The following AOPEP variants were observed in gnomAD, a reference collection of about 807,000 sequenced individuals.
AOPEP encodes aminopeptidase O.
Under a neutral mutation model 98.1 loss-of-function variants are expected in AOPEP, and 77 were observed. The observed-to-expected ratio is 0.78, with a 90% confidence interval of 0.65 to 0.95. The LOEUF is 0.95. AOPEP is among the 40% of genes least tolerant of loss of function. The pLI is 0.00. For synonymous variants in AOPEP, 346 were observed against 365.3 expected (o/e 0.95, Z 0.60); for missense variants, 1,024 against 1,024.7 (o/e 1.00, Z 0.01).
chr9:94,823,062 T>C (rs1037673923), intron 5 of AOPEP, among the ~76,000 whole-genome samples: 1 of 152,060 alleles, frequency 6.6e-6, no homozygotes, highest in African/African-American at 2.4e-5. Flanking sequence ...AATGGCGCAA[T>C]CTCGGCTCAT....
intron 11 of AOPEP, among the ~76,000 whole-genome samples, chr9:95,002,064 C>T (rs1043045442): frequency 2.6e-5 from 4 of 152,018 alleles, no homozygotes; most frequent in Non-Finnish European, 4.4e-5. Context: ...CAGGTGTGAG[C>T]CACCGTGCAC....
intron 13 of AOPEP, among the ~76,000 whole-genome samples, chr9:95,051,941 G>T (rs1441707186): frequency 6.6e-6 from 1 of 152,114 alleles, no homozygotes; most frequent in Non-Finnish European, 1.5e-5. Context: ...CTGACCTCGT[G>T]ATCTGCCCAC....
Position 94,956,024 on chromosome 9 carries a change from TGG to T in AOPEP, c.1872+11_1872+12del. ...AGCTGATTCTTTCCCAGGTAACTTA[TGG>T]GTCCTCATGAGTCCATGATGTATGA... On this transcript the variant is annotated intron_variant, in intron 9 of 16. Coordinates refer to ENST00000375315, the MANE Select transcript of AOPEP (RefSeq NM_001193329.3). 1 of 1,531,506 alleles carries T rather than the reference TGG, an allele frequency of 6.5e-7. No homozygotes were observed. Among genetic ancestry groups the T allele is most frequent in the African/African-American group, 1.4e-5 (1 of 73,400 alleles). The allele number at this position is 1,531,506 out of a possible 1,614,324, so 94.9% of individuals were successfully genotyped here. A position where few individuals can be genotyped will look rare whatever the true frequency, so the allele number is the denominator to read the frequency against.
intron 13 of AOPEP, among the ~76,000 whole-genome samples, chr9:95,008,311 A>G (rs1589246518): frequency 6.6e-6 from 1 of 152,056 alleles, no homozygotes; most frequent in African/African-American, 2.4e-5. Context: ...GGGGGTCACA[A>G]CCTTTTTCCT....
the AOPEP span, among the ~76,000 whole-genome samples, chr9:95,133,433 G>GT: frequency 3.3e-5 from 5 of 152,254 alleles, no homozygotes; most frequent in African/African-American, 1.2e-4. Flanking sequence ...AAAAGCTTTT[G>GT]TAAGTCAACT....
intron 3 of AOPEP, among the ~76,000 whole-genome samples, chr9:94,790,849 C>G (rs1289897004): frequency 2.6e-5 from 4 of 151,708 alleles, no homozygotes; most frequent in Admixed American, 1.3e-4. Context: ...ATTTGACATC[C>G]AATCACCGAC....
At chr9:95,017,674 G>A (rs2063124707) in intron 13 of AOPEP, among the ~76,000 whole-genome samples, 2 of 152,154 alleles carry the variant, frequency 1.3e-5, no homozygotes, top group African/African-American at 4.8e-5. Flanking sequence ...TTACATGCCA[G>A]GAAATTCATC....
the AOPEP span, among the ~76,000 whole-genome samples, chr9:95,105,021 A>G: frequency 1.3e-5 from 2 of 152,220 alleles, no homozygotes; most frequent in African/African-American, 2.4e-5. Context: ...TGTGCATTTT[A>G]TAAGAGTACA....
intron 5 of AOPEP, among the ~76,000 whole-genome samples, chr9:94,894,592 C>G (rs1476494831): frequency 6.6e-6 from 1 of 152,108 alleles, no homozygotes; most frequent in Non-Finnish European, 1.5e-5. Flanking sequence ...AACACCAGAC[C>G]CACAGAGTTT....
intron 5 of AOPEP, among the ~76,000 whole-genome samples, chr9:94,802,196 T>G (rs1848358443): frequency 6.6e-6 from 1 of 152,168 alleles, no homozygotes; most frequent in African/African-American, 2.4e-5. Context: ...TTTGTCCCTT[T>G]GAAGAGTCTG....
In AOPEP at chr9:95,005,202, G is replaced by A; in HGVS notation, c.2022G>A (p.Ala674=). ...GCGCCGGGGCGGAGTGCGGGCTTGC[G>A]CGGCAAGTGCGCGCCGAGGTGAGTG... ...ERRAGAECGL[A]RQVRAEVTKW... is the part of the protein sequence containing the mutation. The change falls in exon 12 of 17, where the codon GCG becomes GCA. Residue 674 remains alanine (A), a synonymous_variant. Coordinates refer to ENST00000375315, the MANE Select transcript of AOPEP (RefSeq NM_001193329.3). 8.8e-7 allele frequency: 1 copy of A among 1,131,154 alleles called. No individual in the cohort carries two copies. Among genetic ancestry groups the A allele is most frequent in the East Asian group, 5.0e-5 (1 of 19,804 alleles). The allele number at this position is 1,131,154 out of a possible 1,614,324, so 70.1% of individuals were successfully genotyped here.
chr9:94,748,533 C>G (rs2132143774), intron 1 of AOPEP, among the ~76,000 whole-genome samples: 1 of 152,260 alleles, frequency 6.6e-6, no homozygotes, highest in African/African-American at 2.4e-5. Context: ...TTCTTATAAT[C>G]ATGGTATATT....
the AOPEP span, among the ~76,000 whole-genome samples, chr9:95,134,519 G>A: frequency 6.6e-6 from 1 of 152,168 alleles, no homozygotes; most frequent in African/African-American, 2.4e-5. Flanking sequence ...CAATCTCTGT[G>A]CCACATCCCT....
intron 13 of AOPEP, among the ~76,000 whole-genome samples, chr9:95,013,879 C>T (rs1304246156): frequency 6.6e-6 from 1 of 152,106 alleles, no homozygotes; most frequent in Admixed American, 6.5e-5. Flanking sequence ...GTCATTTTTC[C>T]TGGACACCCA....
chr9:94,740,255 C>T (rs560976308), intron 1 of AOPEP, among the ~76,000 whole-genome samples: 1 of 152,036 alleles, frequency 6.6e-6, no homozygotes, highest in Non-Finnish European at 1.5e-5. Flanking sequence ...TAGTACCTGG[C>T]TGTGGGGTGA....
At chr9:94,974,206 A>T (rs1386230628) in intron 10 of AOPEP, among the ~76,000 whole-genome samples, 1 of 152,190 alleles carries the variant, frequency 6.6e-6, no homozygotes, top group Non-Finnish European at 1.5e-5. Flanking sequence ...TACCTTAAAA[A>T]TTTTTGTTAG....
At chr9:95,104,386 CTGTG>C in the AOPEP span, among the ~76,000 whole-genome samples, 1 of 152,200 alleles carries the variant, frequency 6.6e-6, no homozygotes, top group Non-Finnish European at 1.5e-5. Context: ...TGGGCTTCTG[CTGTG>C]TGTGTCTTCT....
At chr9:95,121,545 C>A in the AOPEP span, among the ~76,000 whole-genome samples, 4 of 152,198 alleles carry the variant, frequency 2.6e-5, no homozygotes, top group Non-Finnish European at 5.9e-5. Flanking sequence ...GTGTCCAGAG[C>A]AACATTGTTT....
chr9:95,046,109 A>G (rs1005309373), intron 13 of AOPEP, among the ~76,000 whole-genome samples: 3 of 152,236 alleles, frequency 2.0e-5, no homozygotes, highest in Non-Finnish European at 4.4e-5. Context: ...TCCGAAAAGC[A>G]AAATGGAGAT....
Sources: allele counts gnomAD v4.1 joint callset (sites outside exome capture counted in the v4.1 genomes callset), GRCh38; gene constraint gnomAD v4.1.1; transcripts MANE v1.5; gene names NCBI Gene and HGNC (gene_info 2026-07-23, HGNC 2026-07-21).